Variants in TMEM181 observed in about 807,000 individuals in gnomAD.
TMEM181 encodes the protein transmembrane protein 181, also known as G protein-coupled receptor 178.
In TMEM181, 39 loss-of-function variants were observed where a neutral mutation model predicts 71.9. The observed-to-expected ratio is 0.54, with a 90% CI of 0.42 to 0.71. TMEM181 has a LOEUF of 0.71. Ranked by LOEUF, TMEM181 falls within the 30% of genes least tolerant of loss-of-function variation. TMEM181 has a pLI of 0.00. For missense variants in TMEM181, 595 were observed against 583.0 expected (o/e 1.02, Z -0.21); for synonymous variants, 245 against 228.8 (o/e 1.07, Z -0.64).
chr6:158,573,578 T>A, intron 2 of TMEM181, 55 bp downstream of exon 2: 1 of 1,453,378 alleles, frequency 6.9e-7, no homozygotes, highest in Non-Finnish European at 9.5e-7. Context: ...GGCCCTGGCG[T>A]ATTGCTTTCG....
chr6:158,599,912 G>T (rs563138457), intron 6 of TMEM181, among the ~76,000 whole-genome samples: 5 of 152,342 alleles, frequency 3.3e-5, no homozygotes, highest in Admixed American at 6.5e-5. Context: ...TGCTGACAGG[G>T]GCGGCCTCCC....
At chr6:158,587,829 C>T (rs1267407976) in intron 5 of TMEM181, among the ~76,000 whole-genome samples, 1 of 152,068 alleles carries the variant, frequency 6.6e-6, no homozygotes, top group Non-Finnish European at 1.5e-5. Context: ...TAAGTATATG[C>T]AGCCTGAGAT....
intron 10 of TMEM181, among the ~76,000 whole-genome samples, chr6:158,612,697 C>G (rs979522969): frequency 6.6e-6 from 1 of 152,200 alleles, no homozygotes. Flanking sequence ...ACATTTCTTT[C>G]CCAATGAGAG....
chr6:158,580,056 C>T (rs1047913051), intron 2 of TMEM181, among the ~76,000 whole-genome samples: 3 of 152,122 alleles, frequency 2.0e-5, no homozygotes, highest in Admixed American at 6.5e-5. Context: ...ACGGGCATGG[C>T]GCAGTGGCTC....
At chr6:158,631,714 A>G (rs1184643826) in intron 16 of TMEM181, 96 bp from the exon 17 acceptor site, 1 of 1,347,432 alleles carries the variant, frequency 7.4e-7, no homozygotes, top group Non-Finnish European at 1.0e-6. Flanking sequence ...GAGCGAAGCT[A>G]TGATTTAATT....
At chr6:158,582,891 T>TA (rs1783557039) in intron 3 of TMEM181, among the ~76,000 whole-genome samples, 1 of 152,108 alleles carries the variant, frequency 6.6e-6, no homozygotes, top group African/African-American at 2.4e-5. Flanking sequence ...TTCAGAAGGC[T>TA]AAAAATAGCA....
intron 1 of TMEM181, among the ~76,000 whole-genome samples, chr6:158,543,343 G>C (rs1401312321): frequency 6.6e-6 from 1 of 152,226 alleles, no homozygotes; most frequent in Non-Finnish European, 1.5e-5. Flanking sequence ...TCCTTTGCCA[G>C]AGGAGGACAG....
intron 1 of TMEM181, among the ~76,000 whole-genome samples, chr6:158,540,079 C>T (rs1781284469): frequency 6.6e-6 from 1 of 152,188 alleles, no homozygotes; most frequent in Non-Finnish European, 1.5e-5. Context: ...AACTTGATAG[C>T]AATTGGCTGC....
chr6:158,616,852 A>T (rs1331580557), intron 10 of TMEM181, among the ~76,000 whole-genome samples: 2 of 152,192 alleles, frequency 1.3e-5, no homozygotes, highest in East Asian at 3.8e-4. Context: ...ATCGTGGTGG[A>T]TAAGCTTTTT....
chr6:158,569,578 G>A (rs1014119855), intron 1 of TMEM181, among the ~76,000 whole-genome samples: 1 of 151,656 alleles, frequency 6.6e-6, no homozygotes, highest in Non-Finnish European at 1.5e-5. Flanking sequence ...GGGGCGGGTT[G>A]TGCCCTCATG....
intron 10 of TMEM181, among the ~76,000 whole-genome samples, chr6:158,616,656 C>T (rs1434961733): frequency 6.6e-6 from 1 of 152,098 alleles, no homozygotes; most frequent in East Asian, 1.9e-4. Flanking sequence ...TGAGATACGT[C>T]CCATCAACAC....
At chr6:158,630,627 T>G (rs1393915664) in intron 15 of TMEM181, among the ~76,000 whole-genome samples, 1 of 152,048 alleles carries the variant, frequency 6.6e-6, no homozygotes, top group African/African-American at 2.4e-5. Flanking sequence ...CGTTTTTGAC[T>G]TCACGATATT....
chr6:158,551,793 T>C (rs1781732010), intron 1 of TMEM181, among the ~76,000 whole-genome samples: 1 of 152,166 alleles, frequency 6.6e-6, no homozygotes, highest in African/African-American at 2.4e-5. Flanking sequence ...TATCCATAAA[T>C]GTAATTGAAA....
intron 1 of TMEM181, among the ~76,000 whole-genome samples, chr6:158,551,062 T>G (rs4709211): frequency 6.6e-6 from 1 of 151,044 alleles, no homozygotes; most frequent in Admixed American, 6.6e-5. Flanking sequence ...CTGGTTCAAG[T>G]GATTCTCCTG....
chr6:158,608,732 C>A lies in TMEM181; in HGVS notation c.878C>A (p.Thr293Lys). The change falls in exon 10 of 17, where the codon ACG (threonine) becomes AAG (lysine). Residue 293 changes from threonine (T) to lysine (K), a missense_variant. Coordinates refer to ENST00000684151, the MANE Select transcript of TMEM181 (RefSeq NM_001376852.1). ...IVGLLWLASV[T>K]LGIWQTVNEL... ...GGACTATTGTGGTTGGCTTCTGTTACGCTAGGAATATGGCAAACGTGAGTA... is the reference window on the plus strand; with the variant it reads ...GGACTATTGTGGTTGGCTTCTGTTAAGCTAGGAATATGGCAAACGTGAGTA... 3 of 1,613,028 alleles carry A rather than the reference C, an allele frequency of 1.9e-6. No individual in the cohort carries two copies. Among genetic ancestry groups the A allele is most frequent in the Non-Finnish European group, 2.5e-6 (3 of 1,179,734 alleles).
intron 7 of TMEM181, among the ~76,000 whole-genome samples, chr6:158,606,698 T>G (rs1247748537): frequency 1.3e-5 from 2 of 152,228 alleles, no homozygotes; most frequent in African/African-American, 4.8e-5. Context: ...AGGGAGGTGT[T>G]TGAAAAGAAA....
chr6:158,631,643 A>G (rs1300797820), intron 16 of TMEM181, among the ~76,000 whole-genome samples, 167 bp from the exon 17 acceptor site: 1 of 152,180 alleles, frequency 6.6e-6, no homozygotes, highest in Non-Finnish European at 1.5e-5. Context: ...GGCCCTGGGA[A>G]CTGGGGGTCA....
chr6:158,617,422 C>A (rs905999584), intron 10 of TMEM181, among the ~76,000 whole-genome samples: 9 of 151,934 alleles, frequency 5.9e-5, no homozygotes, highest in Non-Finnish European at 1.2e-4. Flanking sequence ...TTTCAAAAAA[C>A]CAGCTCCTGG....
intron 13 of TMEM181, among the ~76,000 whole-genome samples, chr6:158,627,024 C>T (rs1352000433): frequency 1.0e-4 from 15 of 150,438 alleles, no homozygotes; most frequent in African/African-American, 3.7e-4. Flanking sequence ...GCCTCTCACT[C>T]TCACACATCC....
Sources: allele counts gnomAD v4.1 joint callset (sites outside exome capture counted in the v4.1 genomes callset), GRCh38; gene constraint gnomAD v4.1.1; transcripts MANE v1.5; gene names NCBI Gene and HGNC (gene_info 2026-07-23, HGNC 2026-07-21).